VWA5B1: variants seen among roughly 807,000 people sequenced by gnomAD.
The protein encoded by VWA5B1 is von Willebrand factor A domain-containing protein 5B1.
VWA5B1 carries 115 observed loss-of-function variants against 118.2 expected under a neutral mutation model. The observed-to-expected ratio is 0.97, with a 90% CI of 0.84 to 1.14. The LOEUF (loss-of-function observed/expected upper bound fraction) is 1.14. VWA5B1 is among the 50% of genes most tolerant of loss of function. The probability of loss-of-function intolerance (pLI) is 0.00; values close to 1 mark genes in which losing one functional copy is unlikely to be tolerated. For missense variants in VWA5B1, 1,596 were observed against 1,603.8 expected (o/e 1.00, Z 0.08); for synonymous variants, 682 against 658.4 (o/e 1.04, Z -0.55).
Position 20,343,095 on chromosome 1 carries a change from C to G in VWA5B1, c.2328C>G (p.Pro776=), listed in dbSNP as rs1362637913. The G allele has an allele frequency of 4.6e-6, 7 of 1,526,658 alleles. No individual in the cohort carries two copies. The highest frequency in any genetic ancestry group is 1.4e-5 in the African/African-American group (1 of 72,468). 94.6% of individuals were successfully genotyped at this position (1,526,658 alleles called of 1,614,324 possible). ...TGCCCGCAGAGCCGTCCCACCATCC[C>G]TCTGCCTTCGAGACAGAGACGTCCT... ...SPGDLEPSHH[P]SAFETETSSD... Residue 776 remains proline, a synonymous_variant, in exon 16 of 22, where the codon CCC becomes CCG. Transcript: ENST00000289815.
intron 20 of VWA5B1, among the ~76,000 whole-genome samples, chr1:20,351,436 A>G (rs2090127582): frequency 6.6e-6 from 1 of 151,992 alleles, no homozygotes; most frequent in African/African-American, 2.4e-5. Context: ...GGCAGATCAT[A>G]AGGTCAGGAG....
intron 8 of VWA5B1, among the ~76,000 whole-genome samples, chr1:20,324,384 C>G (rs1387499414): frequency 2.0e-5 from 3 of 152,142 alleles, no homozygotes; most frequent in South Asian, 2.1e-4. Context: ...TGCCCCACCC[C>G]CAGGAGATTA....
rs985444611 is a variant in VWA5B1 at position 20,359,118 on chromosome 1, C to T, written c.*4855C>T. Among the ~76,000 whole-genome samples, 1 of 152,246 alleles carries T rather than the reference C, an allele frequency of 6.6e-6. No homozygotes were observed. The highest frequency in any genetic ancestry group is 2.1e-4 in the South Asian group (1 of 4,834). ...TTTTGAGCTTACAGCCACGTCCCAACGCAATGCGCCTCATCTCAATGCCGC... is the reference window on the plus strand; with the variant it reads ...TTTTGAGCTTACAGCCACGTCCCAATGCAATGCGCCTCATCTCAATGCCGC... On this transcript the variant is annotated 3_prime_UTR_variant, in exon 22 of 22. Transcript: ENST00000289815.
chr1:20,343,417 C>T (rs2089931629), intron 16 of VWA5B1, 24 bp downstream of exon 16: 3 of 1,483,198 alleles, frequency 2.0e-6, no homozygotes, highest in African/African-American at 1.4e-5. Flanking sequence ...AACTGCGCCC[C>T]TCCCGCGGAC....
At chr1:20,338,371 A>T (rs1263514363) in intron 14 of VWA5B1, 1 of 312,398 alleles carries the variant, frequency 3.2e-6, no homozygotes, top group African/African-American at 2.2e-5. Context: ...GTTTGTTGAG[A>T]CAGAGTCTCG....
At chr1:20,318,487 G>C (rs1259865247) in intron 5 of VWA5B1, 103 bp from the exon 6 acceptor site, 2 of 1,501,854 alleles carry the variant, frequency 1.3e-6, no homozygotes, top group Admixed American at 3.9e-5. Context: ...AACGGGGCTG[G>C]CATGTCACTC....
At chr1:20,314,873 A>AAGAGGTACT (rs2088958014) in intron 4 of VWA5B1, among the ~76,000 whole-genome samples, 1 of 151,948 alleles carries the variant, frequency 6.6e-6, no homozygotes, top group African/African-American at 2.4e-5. Flanking sequence ...AACTTTACTC[A>AAGAGGTACT]AGAGGTACTT....
chr1:20,343,186 C>G lies in VWA5B1; in HGVS notation c.2419C>G (p.Pro807Ala), dbSNP rs1458041073. 6 of 1,549,822 alleles carry G rather than the reference C, an allele frequency of 3.9e-6. No homozygotes were observed. The highest frequency in any genetic ancestry group is 5.2e-6 in the Non-Finnish European group (6 of 1,146,670). Residue 807 changes from proline to alanine, a missense_variant, in exon 16 of 22, where the codon CCG becomes GCG. Transcript: ENST00000289815. ...TCCCAGCAGGCCCGCCACCCCGGCC[C>G]CGGTGCTGGGCAAGGCCCTGGTCAA... is the stretch of plus-strand genomic sequence containing the variant. ...ASPSRPATPAPVLGKALVKGL... is the reference protein window; with the variant it reads ...ASPSRPATPAAVLGKALVKGL...
At position 20,343,128 on chromosome 1, in the gene VWA5B1, G is replaced by A. The variant is rs1386910311; in HGVS notation, c.2361G>A (p.Trp787Ter). The change falls in exon 16 of 22, where the codon TGG (tryptophan) becomes TGA (stop). Residue 787 changes from tryptophan (W) to a stop codon, truncating the protein, a stop_gained. Coordinates refer to ENST00000289815, the MANE Select transcript of VWA5B1 (RefSeq NM_001039500.3). LOFTEE classifies it high-confidence loss of function. ...TCGAGACAGAGACGTCCTCGGACTGGGACCCCCCAGCCGAGTCCCAGGAGC... is the reference window on the plus strand; with the variant it reads ...TCGAGACAGAGACGTCCTCGGACTGAGACCCCCCAGCCGAGTCCCAGGAGC... The part of the protein sequence containing the change: ...SAFETETSSD[W>*]DPPAESQERA... 4 of 1,543,362 alleles carry A rather than the reference G, an allele frequency of 2.6e-6. No individual in the cohort carries two copies. The highest frequency in any genetic ancestry group is 3.5e-6 in the Non-Finnish European group (4 of 1,142,070).
At chr1:20,343,046 C>T in intron 15 of VWA5B1, 33 bp from the exon 16 acceptor site, 1 of 1,480,504 alleles carries the variant, frequency 6.8e-7, no homozygotes, top group Non-Finnish European at 9.0e-7. Context: ...TCCCCCAGGT[C>T]AGCGCTTGGC....
chr1:20,306,025 A>G, intron 1 of VWA5B1, among the ~76,000 whole-genome samples: 1 of 152,212 alleles, frequency 6.6e-6, no homozygotes, highest in African/African-American at 2.4e-5. Context: ...TGCATCGATA[A>G]GAAAAACAGG....
In VWA5B1 at chr1:20,353,823, C is replaced by G; in HGVS notation, c.3208C>G (p.Pro1070Ala). 1 of 1,514,198 alleles carries G rather than the reference C, an allele frequency of 6.6e-7. No individual in the cohort carries two copies. Among genetic ancestry groups the G allele is most frequent in the Non-Finnish European group, 8.9e-7 (1 of 1,129,078 alleles). The allele number at this position is 1,514,198 out of a possible 1,614,324, so 93.8% of individuals were successfully genotyped here. A position where few individuals can be genotyped will look rare whatever the true frequency, so the allele number is the denominator to read the frequency against. Residue 1070 changes from proline (P) to alanine (A), a missense_variant, in exon 22 of 22, where the codon CCC becomes GCC. Physicochemically the swap from Pro to Ala is conservative, Grantham distance 27. Coordinates refer to ENST00000289815, the MANE Select transcript of VWA5B1 (RefSeq NM_001039500.3). ...AGCCTTCTGTGAGGCCACGCACATC[C>G]CCATGGAGAAGCTCAAGTGGACGTC... is the stretch of plus-strand genomic sequence containing the variant. The part of the protein sequence containing the change: ...NEAFCEATHI[P>A]MEKLKWTSPF...
chr1:20,299,979 ACT>A (rs1377139607), intron 1 of VWA5B1, among the ~76,000 whole-genome samples: 1 of 152,146 alleles, frequency 6.6e-6, no homozygotes, highest in African/African-American at 2.4e-5. Flanking sequence ...AGGTGCACTA[ACT>A]CAGCCTGGGC....
chr1:20,323,400 C>T lies in VWA5B1; in HGVS notation c.1011C>T (p.His337=). 1 of 1,528,286 alleles carries T rather than the reference C, an allele frequency of 6.5e-7. No homozygotes were observed. The highest frequency in any genetic ancestry group is 8.8e-7 in the Non-Finnish European group (1 of 1,136,808). The allele number at this position is 1,528,286 out of a possible 1,614,324, so 94.7% of individuals were successfully genotyped here. The part of the protein sequence containing the change: ...RKRLHKDIPH[H]SVIMLNFCPD... ...GCCTCCACAAAGACATTCCCCACCA[C>T]TCCGTCATCATGCTCAACTTCTGTC... is the stretch of plus-strand genomic sequence containing the variant. Residue 337 remains histidine, a synonymous_variant, in exon 8 of 22, where the codon CAC becomes CAT. Coordinates refer to ENST00000289815, the MANE Select transcript of VWA5B1 (RefSeq NM_001039500.3).
intron 7 of VWA5B1, among the ~76,000 whole-genome samples, chr1:20,320,062 G>GT (rs534053294): frequency 1.3e-5 from 2 of 152,220 alleles, no homozygotes; most frequent in Non-Finnish European, 2.9e-5. Context: ...GAGGCTGAGC[G>GT]TCAGCCACAA....
In VWA5B1 at chr1:20,317,599, G is replaced by A. The variant is rs868211806; in HGVS notation, c.633G>A (p.Leu211=). The change falls in exon 5 of 22, where the codon CTG becomes CTA. Residue 211 remains leucine (L), a synonymous_variant. Coordinates refer to ENST00000289815, the MANE Select transcript of VWA5B1 (RefSeq NM_001039500.3). Reference sequence around the variant, plus strand: ...ATAAGTTGTGCCTGGCGACTCTCCTGAACACCGAAGTGTCCAACCCCATGG... The same window carrying A: ...ATAAGTTGTGCCTGGCGACTCTCCTAAACACCGAAGTGTCCAACCCCATGG... The part of the protein sequence containing the change: ...SWNKLCLATL[L]NTEVSNPMEY... 1 of 1,551,888 alleles carries A rather than the reference G, an allele frequency of 6.4e-7. No individual in the cohort carries two copies. The highest frequency in any genetic ancestry group is 8.7e-7 in the Non-Finnish European group (1 of 1,147,044).
At chr1:20,334,424 C>T (rs1202675495) in intron 12 of VWA5B1, among the ~76,000 whole-genome samples, 1 of 152,186 alleles carries the variant, frequency 6.6e-6, no homozygotes, top group Non-Finnish European at 1.5e-5. Context: ...GTTTGCCCTG[C>T]TACTGGTAGG....
At chr1:20,332,991 G>A in intron 12 of VWA5B1, 40 bp downstream of exon 12, 4 of 1,543,026 alleles carry the variant, frequency 2.6e-6, no homozygotes, top group Non-Finnish European at 3.5e-6. Flanking sequence ...TGTGGGCCCA[G>A]AACCCATGCC....
chr1:20,358,732 T>C lies in VWA5B1; in HGVS notation c.*4469T>C, dbSNP rs1473089486. ...GCTCATTGCCTTGGCATCTGGAAGATTTTGTTCTTACCAATCTAGCAGAGA... is the reference window on the plus strand; with the variant it reads ...GCTCATTGCCTTGGCATCTGGAAGACTTTGTTCTTACCAATCTAGCAGAGA... On this transcript the variant is annotated 3_prime_UTR_variant, in exon 22 of 22. Coordinates refer to ENST00000289815, the MANE Select transcript of VWA5B1 (RefSeq NM_001039500.3). 6.6e-6 allele frequency among the ~76,000 whole-genome samples: 1 copy of C among 152,236 alleles called. No individual in the cohort carries two copies. The highest frequency in any genetic ancestry group is 1.5e-5 in the Non-Finnish European group (1 of 68,050).
Sources: gnomAD v4.1 joint callset for allele counts (sites outside exome capture counted in the v4.1 genomes callset) on GRCh38, gnomAD v4.1.1 for gene constraint, MANE v1.5 for transcripts, NCBI Gene and HGNC (gene_info 2026-07-23, HGNC 2026-07-21) for gene names.